GPR83: variants seen among roughly 807,000 people sequenced by gnomAD.
GPR83 encodes the protein G protein-coupled receptor 83.
A neutral mutation model predicts 28.0 loss-of-function variants in GPR83; 23 were observed. The ratio of observed to expected loss-of-function variants is 0.82; its 90% CI spans 0.59 to 1.16. The LOEUF (loss-of-function observed/expected upper bound fraction) is 1.16, where lower values mean the gene tolerates loss of function less well. Among genes scored for constraint, GPR83 ranks in the 50% most tolerant of loss-of-function variants. GPR83 has a pLI of 0.00. For missense variants in GPR83, 610 were observed against 536.6 expected, an observed-to-expected ratio of 1.14 and a Z score of -1.35; for synonymous variants, 234 against 215.4, an observed-to-expected ratio of 1.09 and a Z score of -0.76.
intron 3 of GPR83, among the ~76,000 whole-genome samples, chr11:94,386,719 A>T (rs184684387): frequency 1.4e-4 from 21 of 152,194 alleles, no homozygotes; most frequent in African/African-American, 5.1e-4. Context: ...CTCCCACACA[A>T]TAATAATGGG....
chr11:94,396,533 G>A lies in GPR83; in HGVS notation c.388-9C>T, dbSNP rs1316418885. 1 of 1,612,922 alleles carries A rather than the reference G, an allele frequency of 6.2e-7. No individual in the cohort carries two copies. Among genetic ancestry groups the A allele is most frequent in the East Asian group, 2.2e-5 (1 of 44,870 alleles). The stretch of plus-strand genomic sequence containing the variant: ...CTGTTCACAAAGCGAACCTGGAGAT[G>A]AGCCCAAAGATGTTAGGAGACAGAC... On this transcript the variant is annotated splice_polypyrimidine_tract_variant and intron_variant, in intron 1 of 3. Transcript: ENST00000243673.
At chr11:94,385,668 A>G (rs972017776) in intron 3 of GPR83, among the ~76,000 whole-genome samples, 3 of 152,240 alleles carry the variant, frequency 2.0e-5, no homozygotes, top group African/African-American at 4.8e-5. Context: ...AAAAGAAATG[A>G]ACAAAGCCTC....
At chr11:94,389,628 T>C (rs1289368505) in intron 3 of GPR83, among the ~76,000 whole-genome samples, 2 of 152,206 alleles carry the variant, frequency 1.3e-5, no homozygotes, top group Non-Finnish European at 1.5e-5. Context: ...AGATACCATC[T>C]CACACCAGTT....
chr11:94,391,168 C>T (rs940324729), intron 3 of GPR83, among the ~76,000 whole-genome samples: 9 of 152,096 alleles, frequency 5.9e-5, no homozygotes, highest in African/African-American at 2.2e-4. Flanking sequence ...GAAATAACAC[C>T]ACACATCTAC....
At chr11:94,399,387 T>G (rs1263717567) in intron 1 of GPR83, among the ~76,000 whole-genome samples, 3 of 152,082 alleles carry the variant, frequency 2.0e-5, no homozygotes, top group Non-Finnish European at 2.9e-5. Context: ...GGTCCAAGAG[T>G]GTCCTTCACT....
chr11:94,390,657 C>T (rs935503165), intron 3 of GPR83, among the ~76,000 whole-genome samples: 2 of 152,140 alleles, frequency 1.3e-5, no homozygotes, highest in South Asian at 2.1e-4. Flanking sequence ...GCAAAAATCA[C>T]GACCATTCCT....
At position 94,380,528 on chromosome 11, in the gene GPR83, A is replaced by G. The variant is rs1193236143; in HGVS notation, c.893T>C (p.Val298Ala). The G allele has an allele frequency of 6.2e-7, 1 of 1,614,230 alleles. No individual in the cohort carries two copies. Among genetic ancestry groups the G allele is most frequent in the Non-Finnish European group, 8.5e-7 (1 of 1,180,034 alleles). ...KKTIKMLMLV[V>A]VLFALCWFPL... The stretch of plus-strand genomic sequence containing the variant: ...GAACCAGCAGAGGGCAAAGAGGACT[A>G]CCACCAGCATCAACATCTTGATGGT... The change falls in exon 4 of 4, where the codon GTA (valine) becomes GCA (alanine). Residue 298 changes from valine to alanine, a missense_variant. Transcript: ENST00000243673.
At chr11:94,396,356 G>A (rs772073498) in intron 2 of GPR83, 43 bp downstream of exon 2, 1 of 1,592,030 alleles carries the variant, frequency 6.3e-7, no homozygotes, top group Non-Finnish European at 8.6e-7. Context: ...GGAAAGGGAA[G>A]CAAGAGAGGG....
intron 1 of GPR83, among the ~76,000 whole-genome samples, chr11:94,398,009 C>G (rs1277515227): frequency 6.6e-6 from 1 of 152,222 alleles, no homozygotes; most frequent in Non-Finnish European, 1.5e-5. Context: ...ATTCCAACTT[C>G]TCACCCTTCA....
Position 94,400,850 on chromosome 11 carries a change from G to T in GPR83, c.387+11C>A. The T allele has an allele frequency of 1.2e-6, 2 of 1,611,142 alleles. No individual in the cohort carries two copies. Among genetic ancestry groups the T allele is most frequent in the Non-Finnish European group, 1.7e-6 (2 of 1,177,820 alleles). ...GACAGAAGGTGGGGCGGCAGGCAGC[G>T]GGCCCCTTACCAAAGTGAAGGGGGT... On this transcript the variant is annotated intron_variant, in intron 1 of 3. Coordinates refer to ENST00000243673, the MANE Select transcript of GPR83 (RefSeq NM_016540.4).
intron 1 of GPR83, among the ~76,000 whole-genome samples, chr11:94,399,434 G>C (rs903325431): frequency 1.3e-5 from 2 of 152,216 alleles, no homozygotes; most frequent in African/African-American, 4.8e-5. Context: ...CTCTGGATTT[G>C]AGTTAGGGGA....
chr11:94,401,073 T>C lies in GPR83; in HGVS notation c.175A>G (p.Arg59Gly), dbSNP rs1351857969. The C allele has an allele frequency of 1.2e-6, 2 of 1,614,196 alleles. No homozygotes were observed. The highest frequency in any genetic ancestry group is 8.5e-7 in the Non-Finnish European group (1 of 1,180,022). The change falls in exon 1 of 4, where the codon AGG becomes GGG. Residue 59 changes from arginine to glycine, a missense_variant. Arg to Gly is a moderately radical substitution (Grantham distance 125, BLOSUM62 -2). Transcript: ENST00000243673. ...TTCTGGGACTCAGCGCCGTAGCGCC[T>C]CCTGCCCACAAAGTTCTGCCAGTCG... The part of the protein sequence containing the change: ...FSDWQNFVGR[R>G]RYGAESQNPT...
Position 94,379,060 on chromosome 11 carries a change from C to A in GPR83, c.*1089G>T, listed in dbSNP as rs1040853915. On this transcript the variant is annotated 3_prime_UTR_variant, in exon 4 of 4. Transcript: ENST00000243673. The stretch of plus-strand genomic sequence containing the variant: ...CCCTGTTTCTGTTAATCATTACAAT[C>A]TAAATGAAAAAGTATAAATGAAAAA... 4.6e-5 allele frequency: 7 copies of A among 151,936 alleles called. No individual in the cohort carries two copies. Among genetic ancestry groups the A allele is most frequent in the African/African-American group, 1.7e-4 (7 of 41,346 alleles). The allele number at this position is 151,936 out of a possible 1,614,324, so 9.4% of individuals were successfully genotyped here.
chr11:94,396,453 G>C lies in GPR83; in HGVS notation c.459C>G (p.Cys153Trp). Reference sequence around the variant, plus strand: ...GTGTCAGTGCTGAGACGTGCAGTGAGCAGTACTGGGCAAAGCGGCTGACAT... The same window carrying C: ...GTGTCAGTGCTGAGACGTGCAGTGACCAGTACTGGGCAAAGCGGCTGACAT... ...MCHVSRFAQY[C>W]SLHVSALTLT... Residue 153 changes from cysteine (C) to tryptophan (W), a missense_variant, in exon 2 of 4, where the codon TGC (cysteine) becomes TGG (tryptophan). Transcript: ENST00000243673. 1 of 1,614,042 alleles carries C rather than the reference G, an allele frequency of 6.2e-7. No homozygotes were observed.
At chr11:94,381,041 A>G (rs1944681623) in intron 3 of GPR83, among the ~76,000 whole-genome samples, 2 of 152,208 alleles carry the variant, frequency 1.3e-5, no homozygotes, top group East Asian at 1.9e-4. Flanking sequence ...GTAGAGACCC[A>G]ATACATATTT....
rs975104454 is a variant in GPR83, at chr11:94,377,794, G to A, written c.*2355C>T. 5.3e-5 allele frequency: 8 copies of A among 152,174 alleles called. No individual in the cohort carries two copies. Among genetic ancestry groups the A allele is most frequent in the Admixed American group, 4.6e-4 (7 of 15,278 alleles). The allele number at this position is 152,174 out of a possible 1,614,324, so 9.4% of individuals were successfully genotyped here. ...TTTAAGGTAGGCTTGGCTAAGCTACGATGTTCAGTAGGTTGGGTGTATTCA... is the reference window on the plus strand; with the variant it reads ...TTTAAGGTAGGCTTGGCTAAGCTACAATGTTCAGTAGGTTGGGTGTATTCA... On this transcript the variant is annotated 3_prime_UTR_variant, in exon 4 of 4. Transcript: ENST00000243673.
At chr11:94,388,396 GATGAC>G (rs1944781128) in intron 3 of GPR83, among the ~76,000 whole-genome samples, 1 of 152,188 alleles carries the variant, frequency 6.6e-6, no homozygotes, top group Non-Finnish European at 1.5e-5. Context: ...CCTGTTTGCA[GATGAC>G]ATGATCGTAT....
chr11:94,390,123 GAACAC>G (rs1944801943), intron 3 of GPR83, among the ~76,000 whole-genome samples: 1 of 151,122 alleles, frequency 6.6e-6, no homozygotes, highest in Non-Finnish European at 1.5e-5. Flanking sequence ...TGAACAATGA[GAACAC>G]TTGGACACAG....
intron 3 of GPR83, among the ~76,000 whole-genome samples, chr11:94,391,583 G>A (rs529658862): frequency 6.6e-6 from 1 of 152,218 alleles, no homozygotes; most frequent in South Asian, 2.1e-4. Flanking sequence ...CTGACAAAGG[G>A]CTAATACCCA....
Sources: allele counts gnomAD v4.1 joint callset (sites outside exome capture counted in the v4.1 genomes callset), GRCh38; gene constraint gnomAD v4.1.1; transcripts MANE v1.5; gene names NCBI Gene and HGNC (gene_info 2026-07-23, HGNC 2026-07-21).